Variants in MAP3K20 observed in about 807,000 individuals in gnomAD.
MAP3K20 encodes HCCS-4.
Under a neutral mutation model 85.7 loss-of-function variants are expected in MAP3K20, and 40 were observed. The ratio of observed to expected loss-of-function variants is 0.47; its 90% CI spans 0.36 to 0.61. The LOEUF (loss-of-function observed/expected upper bound fraction) is 0.61, where lower values mean the gene tolerates loss of function less well. Among genes scored for constraint, MAP3K20 ranks in the 20% least tolerant of loss-of-function variants. The probability of loss-of-function intolerance (pLI) is 0.00; values close to 1 mark genes in which losing one functional copy is unlikely to be tolerated. For missense variants in MAP3K20, 817 were observed against 961.7 expected (o/e 0.85, Z 1.99); for synonymous variants, 325 against 327.7 (o/e 0.99, Z 0.09).
chr2:173,105,439 C>A (rs748684880), intron 2 of MAP3K20, among the ~76,000 whole-genome samples: 1 of 152,152 alleles, frequency 6.6e-6, no homozygotes, highest in African/African-American at 2.4e-5. Context: ...AGGTCGAGTT[C>A]TTTTTTGATA....
intron 1 of MAP3K20, among the ~76,000 whole-genome samples, chr2:173,084,256 A>G (rs566110720): frequency 7.2e-5 from 11 of 152,162 alleles, no homozygotes; most frequent in African/African-American, 2.7e-4. Flanking sequence ...CAGGTATTGG[A>G]TAATCAGGTT....
In MAP3K20 at chr2:173,263,889, G is replaced by C; in HGVS notation, c.1696G>C (p.Asp566His). The C allele has an allele frequency of 6.2e-7, 1 of 1,606,936 alleles. No homozygotes were observed. Among genetic ancestry groups the C allele is most frequent in the South Asian group, 1.1e-5 (1 of 89,294 alleles). Residue 566 changes from aspartate (D) to histidine (H), a missense_variant, in exon 19 of 20, where the codon GAC (aspartate) becomes CAC (histidine). Transcript: ENST00000375213. The stretch of plus-strand genomic sequence containing the variant: ...AGATGGCAACCCTGGAAGCAGGTCC[G>C]ACTCAAGTAAGTTAGTGTTCCCGTA... ...NSDGNPGSRS[D>H]SSADCQWLDT...
chr2:173,221,651 T>C (rs955131492), intron 11 of MAP3K20: 1 of 1,357,936 alleles, frequency 7.4e-7, no homozygotes, highest in South Asian at 2.3e-5. Flanking sequence ...TTTAGGCCAA[T>C]CACATTTACA....
rs1371569489 is a variant in MAP3K20, at chr2:173,217,269, C to T, written c.987+19C>T. 3.3e-6 allele frequency: 5 copies of T among 1,528,002 alleles called. No individual in the cohort carries two copies. Among genetic ancestry groups the T allele is most frequent in the Middle Eastern group, 1.8e-4 (1 of 5,686 alleles). 94.7% of individuals were successfully genotyped at this position (1,528,002 alleles called of 1,614,324 possible). On this transcript the variant is annotated intron_variant, in intron 11 of 19. Transcript: ENST00000375213. ...CACCCCGGTGAGTACCCTCCCCCTT[C>T]GCCGTCTTTCCACATGCGGCTCTAG... is the stretch of plus-strand genomic sequence containing the variant.
At chr2:173,122,347 G>GT (rs1688319584) in intron 2 of MAP3K20, among the ~76,000 whole-genome samples, 1 of 152,180 alleles carries the variant, frequency 6.6e-6, no homozygotes, top group South Asian at 2.1e-4. Context: ...TTGAGCTCGT[G>GT]TTTTTTCTTT....
chr2:173,187,252 C>T (rs554927139), intron 4 of MAP3K20, among the ~76,000 whole-genome samples: 1 of 152,304 alleles, frequency 6.6e-6, no homozygotes, highest in African/African-American at 2.4e-5. Flanking sequence ...TGGAGCCCTC[C>T]TTTCAGTGGT....
At chr2:173,138,026 G>A (rs1688845347) in intron 2 of MAP3K20, among the ~76,000 whole-genome samples, 1 of 152,102 alleles carries the variant, frequency 6.6e-6, no homozygotes, top group Non-Finnish European at 1.5e-5. Context: ...AGTGTGCAGT[G>A]GCGTGATCTC....
intron 2 of MAP3K20, among the ~76,000 whole-genome samples, chr2:173,167,539 C>G (rs1396833688): frequency 6.6e-6 from 1 of 151,920 alleles, no homozygotes; most frequent in African/African-American, 2.4e-5. Flanking sequence ...ATATAAGAAC[C>G]TAAAATCTTA....
intron 3 of MAP3K20, among the ~76,000 whole-genome samples, chr2:173,181,427 G>A (rs2119125): frequency 0.99 from 150,980 of 152,244 alleles, 74,879 homozygotes; most frequent in Middle Eastern, 1. Flanking sequence ...ACCCTCATAC[G>A]TTGCTGGCAG....
At chr2:173,157,398 G>A (rs1266211282) in intron 2 of MAP3K20, among the ~76,000 whole-genome samples, 1 of 145,298 alleles carries the variant, frequency 6.9e-6, no homozygotes, top group East Asian at 2.0e-4. Context: ...GTTACTGTTT[G>A]TGCTGACAGA....
At chr2:173,093,764 G>C (rs1687372028) in intron 2 of MAP3K20, among the ~76,000 whole-genome samples, 2 of 151,992 alleles carry the variant, frequency 1.3e-5, no homozygotes, top group African/African-American at 4.8e-5. Context: ...TGATAGACTG[G>C]ATTAAGAAAA....
chr2:173,257,341 G>A (rs1325970262), intron 16 of MAP3K20, among the ~76,000 whole-genome samples: 1 of 152,140 alleles, frequency 6.6e-6, no homozygotes, highest in African/African-American at 2.4e-5. Context: ...CCCATCTGCT[G>A]AAGCAAGCAC....
intron 10 of MAP3K20, among the ~76,000 whole-genome samples, chr2:173,216,115 CT>C (rs1684063913): frequency 1.3e-5 from 2 of 152,180 alleles, no homozygotes; most frequent in South Asian, 4.1e-4. Flanking sequence ...TACTTAAAGG[CT>C]TTTCAGAAAC....
At chr2:173,244,843 A>G (rs1217917684) in intron 16 of MAP3K20, among the ~76,000 whole-genome samples, 1 of 152,178 alleles carries the variant, frequency 6.6e-6, no homozygotes. Context: ...CCACATCCCA[A>G]TTAACCAAGT....
At chr2:173,226,847 T>C in intron 11 of MAP3K20, 1 of 984,890 alleles carries the variant, frequency 1.0e-6, no homozygotes, top group Non-Finnish European at 1.2e-6. Context: ...ATAGATGGCA[T>C]TATCACTTTA....
At chr2:173,107,749 C>G (rs1687824436) in intron 2 of MAP3K20, among the ~76,000 whole-genome samples, 1 of 152,042 alleles carries the variant, frequency 6.6e-6, no homozygotes. Flanking sequence ...TTATAAAATG[C>G]AGATAATAAT....
chr2:173,206,476 C>G (rs1176491944), intron 9 of MAP3K20, among the ~76,000 whole-genome samples: 1 of 152,202 alleles, frequency 6.6e-6, no homozygotes, highest in Non-Finnish European at 1.5e-5. Flanking sequence ...TACCTGGCCA[C>G]GGCCCACATT....
chr2:173,161,248 C>T (rs1418484638), intron 2 of MAP3K20, among the ~76,000 whole-genome samples: 11 of 152,236 alleles, frequency 7.2e-5, no homozygotes, highest in Admixed American at 2.0e-4. Context: ...AATCCTCATT[C>T]TTGAAGTTTA....
intron 2 of MAP3K20, among the ~76,000 whole-genome samples, chr2:173,143,157 C>T (rs955474210): frequency 6.6e-6 from 1 of 152,056 alleles, no homozygotes; most frequent in African/African-American, 2.4e-5. Context: ...GAGGGGTATG[C>T]AAATAGAAAG....
Sources: gnomAD v4.1 joint callset for allele counts (sites outside exome capture counted in the v4.1 genomes callset) on GRCh38, gnomAD v4.1.1 for gene constraint, MANE v1.5 for transcripts, NCBI Gene and HGNC (gene_info 2026-07-23, HGNC 2026-07-21) for gene names.